ZBTB20: variants seen among roughly 807,000 people sequenced by gnomAD.
ZBTB20 encodes zinc finger and BTB domain containing 20, also known as zinc finger and BTB domain-containing protein 20.
ZBTB20 carries 9 observed loss-of-function variants against 56.9 expected under a neutral mutation model. The ratio of observed to expected loss-of-function variants is 0.16; its 90% CI spans 0.10 to 0.28. The LOEUF is 0.28. ZBTB20 is among the 10% of genes least tolerant of loss of function. ZBTB20 has a pLI of 1.00. For synonymous variants in ZBTB20, 417 were observed against 420.7 expected (o/e 0.99, Z 0.11); for missense variants, 655 against 1,003.0 (o/e 0.65, Z 4.69).
rs564913522 is a variant in ZBTB20 at position 114,728,359 on chromosome 3, T to G, written c.-342-34784A>C. The stretch of plus-strand genomic sequence containing the variant: ...GTATACCCATTAGAAGGTGAAAGAA[T>G]TAAGGATCAGAGAAAAAGGACATAA... On this transcript the variant is annotated intron_variant, in intron 5 of 11. Coordinates refer to ENST00000675478, the MANE Select transcript of ZBTB20 (RefSeq NM_001348800.3). Among the ~76,000 whole-genome samples the G allele has an allele frequency of 6.6e-5, 10 of 152,240 alleles. No individual in the cohort carries two copies. In the South Asian group the frequency reaches 2.1e-3, roughly 32 times the overall value.
At chr3:114,938,322 G>T (rs2076615978) in intron 3 of ZBTB20, among the ~76,000 whole-genome samples, 1 of 145,616 alleles carries the variant, frequency 6.9e-6, no homozygotes, top group Non-Finnish European at 1.5e-5. Flanking sequence ...ATTGCTTTTG[G>T]TGTTTTAGTC....
At chr3:114,763,262 C>A (rs780725045) in intron 5 of ZBTB20, among the ~76,000 whole-genome samples, 1 of 152,136 alleles carries the variant, frequency 6.6e-6, no homozygotes, top group East Asian at 1.9e-4. Flanking sequence ...TGGAAATCTT[C>A]GACCTTCACA....
At chr3:114,409,698 T>C (rs2087740836) in intron 7 of ZBTB20, among the ~76,000 whole-genome samples, 1 of 152,154 alleles carries the variant, frequency 6.6e-6, no homozygotes, top group Non-Finnish European at 1.5e-5. Context: ...ATCAAAGCTA[T>C]GTTTTTTAAA....
chr3:114,485,650 G>A (rs1280304884), intron 7 of ZBTB20, among the ~76,000 whole-genome samples: 1 of 152,186 alleles, frequency 6.6e-6, no homozygotes, highest in Admixed American at 6.5e-5. Flanking sequence ...AGTATTAAGA[G>A]GTGGAGTCTT....
rs1193211847 is a variant in ZBTB20 at position 114,337,508 on chromosome 3, T to C, written c.*1497A>G. The C allele has an allele frequency of 6.6e-6, 1 of 152,138 alleles. No individual in the cohort carries two copies. The highest frequency in any genetic ancestry group is 1.5e-5 in the Non-Finnish European group (1 of 68,016). 9.4% of individuals were successfully genotyped at this position (152,138 alleles called of 1,614,324 possible). A position where few individuals can be genotyped will look rare whatever the true frequency, so the allele number is the denominator to read the frequency against. On this transcript the variant is annotated 3_prime_UTR_variant, in exon 12 of 12. Transcript: ENST00000675478. ...TTTCTGAAAGATAAAGTCTCTTCCA[T>C]GAAAAAGAACAGAATTCTAGATGAA...
chr3:114,773,659 T>A (rs1486443021), intron 5 of ZBTB20, among the ~76,000 whole-genome samples: 1 of 151,788 alleles, frequency 6.6e-6, no homozygotes, highest in African/African-American at 2.4e-5. Flanking sequence ...CTAAATCCAC[T>A]CTCTTCAACA....
intron 2 of ZBTB20, among the ~76,000 whole-genome samples, chr3:114,985,048 T>C (rs1490319165): frequency 6.6e-6 from 1 of 152,106 alleles, no homozygotes; most frequent in Non-Finnish European, 1.5e-5. Flanking sequence ...CCACCCTATC[T>C]GACCCAAGTC....
At chr3:114,871,080 T>C (rs941406480) in intron 4 of ZBTB20, among the ~76,000 whole-genome samples, 13 of 152,048 alleles carry the variant, frequency 8.5e-5, no homozygotes, top group Admixed American at 8.5e-4. Flanking sequence ...TTTTCTGTGA[T>C]ACAAGAAAGG....
chr3:114,679,190 A>G (rs1032179757), intron 6 of ZBTB20, among the ~76,000 whole-genome samples: 20 of 152,288 alleles, frequency 1.3e-4, no homozygotes, highest in African/African-American at 4.3e-4. Context: ...CTAGAAGAAA[A>G]CCTAGGCAAT....
chr3:115,121,675 C>T (rs1162388623), intron 1 of ZBTB20, among the ~76,000 whole-genome samples: 1 of 151,886 alleles, frequency 6.6e-6, no homozygotes, highest in Non-Finnish European at 1.5e-5. Flanking sequence ...TGTTGTAAAG[C>T]TTTATTGATA....
chr3:115,055,090 C>T (rs181891984), intron 2 of ZBTB20, among the ~76,000 whole-genome samples: 3 of 151,930 alleles, frequency 2.0e-5, no homozygotes, highest in Admixed American at 2.0e-4. Context: ...GTTTCTTGGA[C>T]TTCTTTCTAT....
chr3:114,444,917 G>T (rs964065530), intron 7 of ZBTB20, among the ~76,000 whole-genome samples: 11 of 151,966 alleles, frequency 7.2e-5, no homozygotes, highest in African/African-American at 2.7e-4. Context: ...TAATATATAT[G>T]TATTTTCAAA....
At position 114,731,025 on chromosome 3, in the gene ZBTB20, A is replaced by G. The variant is rs531092669; in HGVS notation, c.-342-37450T>C. ...TTACCTTTGAACACAGAAGGCTGCT[A>G]CAAAGTTAGTGTTTCATATTGACTT... On this transcript the variant is annotated intron_variant, in intron 5 of 11. Transcript: ENST00000675478. Among the ~76,000 whole-genome samples, 189 of 152,318 alleles carry G rather than the reference A, an allele frequency of 1.2e-3. 6 individuals carry two copies. In the South Asian group the frequency reaches 0.038, roughly 31 times the overall value.
intron 4 of ZBTB20, among the ~76,000 whole-genome samples, chr3:114,870,419 T>C (rs190779162): frequency 3.3e-4 from 50 of 150,522 alleles, no homozygotes; most frequent in African/African-American, 5.9e-4. Flanking sequence ...ATGAATCACA[T>C]ACTGGTTGAC....
At chr3:114,537,154 A>G (rs2048562607) in intron 6 of ZBTB20, among the ~76,000 whole-genome samples, 1 of 152,226 alleles carries the variant, frequency 6.6e-6, no homozygotes, top group Admixed American at 6.5e-5. Flanking sequence ...TAATTAAACT[A>G]AAGAGCTTCT....
At chr3:115,043,524 GTACCAC>G (rs2081224151) in intron 2 of ZBTB20, among the ~76,000 whole-genome samples, 1 of 150,942 alleles carries the variant, frequency 6.6e-6, no homozygotes, top group East Asian at 1.9e-4. Context: ...AGCCGAGATT[GTACCAC>G]TACACTCCAG....
intron 7 of ZBTB20, among the ~76,000 whole-genome samples, chr3:114,420,530 T>A (rs1019525152): frequency 6.6e-6 from 1 of 152,154 alleles, no homozygotes; most frequent in Non-Finnish European, 1.5e-5. Flanking sequence ...AGGAGAATGA[T>A]GTCTCCTTGA....
intron 3 of ZBTB20, among the ~76,000 whole-genome samples, chr3:114,954,784 C>T (rs2077192707): frequency 6.6e-6 from 1 of 152,162 alleles, no homozygotes; most frequent in Non-Finnish European, 1.5e-5. Flanking sequence ...TTAGAGGCCA[C>T]TCATCTTCCA....
At chr3:114,769,044 A>G (rs2068982775) in intron 5 of ZBTB20, among the ~76,000 whole-genome samples, 3 of 152,196 alleles carry the variant, frequency 2.0e-5, no homozygotes, top group Admixed American at 1.3e-4. Flanking sequence ...TTTGGCACAC[A>G]GTAAAACAGA....
Sources: gnomAD v4.1 joint callset for allele counts (sites outside exome capture counted in the v4.1 genomes callset) on GRCh38, gnomAD v4.1.1 for gene constraint, MANE v1.5 for transcripts, NCBI Gene and HGNC (gene_info 2026-07-23, HGNC 2026-07-21) for gene names.